LARGE1: variants seen among roughly 807,000 people sequenced by gnomAD.
LARGE1 encodes the protein xylosyl- and glucuronyltransferase LARGE1.
A neutral mutation model predicts 87.6 loss-of-function variants in LARGE1; 43 were observed. That is an observed-to-expected ratio of 0.49 (90% CI 0.38 to 0.63). LARGE1 has a LOEUF of 0.63. Among genes scored for constraint, LARGE1 ranks in the 30% least tolerant of loss-of-function variants. LARGE1 has a pLI of 0.00. For missense variants in LARGE1, 802 were observed against 1,000.2 expected, an observed-to-expected ratio of 0.80 and a Z score of 2.67; for synonymous variants, 434 against 394.6, an observed-to-expected ratio of 1.10 and a Z score of -1.18.
the LARGE1 span, among the ~76,000 whole-genome samples, chr22:33,096,261 C>G: frequency 2.6e-5 from 4 of 151,734 alleles, no homozygotes; most frequent in African/African-American, 9.7e-5. Flanking sequence ...ACTAATAATA[C>G]AAAAATTAGC....
chr22:33,120,946 A>G, the LARGE1 span, among the ~76,000 whole-genome samples: 24 of 152,034 alleles, frequency 1.6e-4, no homozygotes, highest in Admixed American at 4.6e-4. Flanking sequence ...TGGTTTCCAC[A>G]GAGGAATAAA....
intron 5 of LARGE1, among the ~76,000 whole-genome samples, chr22:33,578,125 C>A (rs766500857): frequency 1.3e-5 from 2 of 152,212 alleles, no homozygotes; most frequent in Non-Finnish European, 2.9e-5. Context: ...CCGCCAACAA[C>A]AGGCCTTTAC....
intron 7 of LARGE1, among the ~76,000 whole-genome samples, chr22:33,418,904 G>A (rs758880253): frequency 4.6e-5 from 7 of 152,170 alleles, no homozygotes; most frequent in Non-Finnish European, 1.0e-4. Flanking sequence ...GTGTTAGTAC[G>A]AGTCAGAGAG....
intron 6 of LARGE1, among the ~76,000 whole-genome samples, chr22:33,500,695 A>T (rs936871759): frequency 2.0e-5 from 3 of 152,220 alleles, no homozygotes; most frequent in Non-Finnish European, 4.4e-5. Flanking sequence ...AATGGGGATG[A>T]TGAAAGCACC....
chr22:33,766,931 T>TATATATATATATAC (rs2084923084), intron 1 of LARGE1, among the ~76,000 whole-genome samples: 1 of 15,244 alleles, frequency 6.6e-5, no homozygotes, highest in Non-Finnish European at 1.3e-4. Context: ...TATATATATA[T>TATATATATATATAC]ATATATATAT....
chr22:33,894,112 T>C (rs1569018365), intron 1 of LARGE1, among the ~76,000 whole-genome samples: 1 of 151,922 alleles, frequency 6.6e-6, no homozygotes, highest in Non-Finnish European at 1.5e-5. Flanking sequence ...GGTCACCCTC[T>C]AGATGGGGAG....
At chr22:33,669,347 T>C (rs1253938894) in intron 2 of LARGE1, among the ~76,000 whole-genome samples, 1 of 152,266 alleles carries the variant, frequency 6.6e-6, no homozygotes, top group Non-Finnish European at 1.5e-5. Flanking sequence ...TTACTATTAC[T>C]GTTATTATTG....
intron 9 of LARGE1, among the ~76,000 whole-genome samples, chr22:33,366,038 G>T (rs966105191): frequency 1.3e-5 from 2 of 152,136 alleles, no homozygotes; most frequent in Admixed American, 6.5e-5. Context: ...TCTCCATTCT[G>T]AAGTCTTAAG....
At chr22:33,717,987 T>C (rs531323823) in intron 2 of LARGE1, among the ~76,000 whole-genome samples, 1 of 152,324 alleles carries the variant, frequency 6.6e-6, no homozygotes, top group South Asian at 2.1e-4. Context: ...AAAAGTTCCC[T>C]TTCTAATCTC....
At chr22:33,428,217 C>T (rs1038180222) in intron 7 of LARGE1, among the ~76,000 whole-genome samples, 1 of 152,038 alleles carries the variant, frequency 6.6e-6, no homozygotes, top group East Asian at 1.9e-4. Flanking sequence ...GGAGAAAGAC[C>T]AAGATTTACT....
chr22:33,438,305 G>T (rs1385919605), intron 6 of LARGE1, among the ~76,000 whole-genome samples: 1 of 152,152 alleles, frequency 6.6e-6, no homozygotes, highest in Non-Finnish European at 1.5e-5. Flanking sequence ...ATTCTGCACT[G>T]CCTGTCTCGT....
In LARGE1 at chr22:33,524,306, T is replaced by A. The variant is rs1420850231; in HGVS notation, c.787+40542A>T. On this transcript the variant is annotated intron_variant, in intron 6 of 14. Coordinates refer to ENST00000397394, the MANE Select transcript of LARGE1 (RefSeq NM_133642.5). ...ACTCCCCTCAAAAAAAAAAAAATAA[T>A]AATAATAATAAAATCAAGCCCATTT... is the stretch of plus-strand genomic sequence containing the variant. 4.8e-3 allele frequency among the ~76,000 whole-genome samples: 709 copies of A among 147,530 alleles called. 5 individuals are homozygous for A. The highest frequency in any genetic ancestry group is 0.02 in the East Asian group (100 of 5,042).
At chr22:33,359,241 C>T (rs989954666) in intron 9 of LARGE1, among the ~76,000 whole-genome samples, 2 of 152,070 alleles carry the variant, frequency 1.3e-5, no homozygotes, top group East Asian at 3.9e-4. Flanking sequence ...GAAAATGCTG[C>T]GGACTTGGAA....
chr22:33,161,599 C>T (rs2105877), downstream of LARGE1, among the ~76,000 whole-genome samples: 64,129 of 152,002 alleles, frequency 0.42, 13,960 homozygotes, highest in South Asian at 0.68. Flanking sequence ...TTACAGGCCC[C>T]ATTGCAAGTC....
intron 11 of LARGE1, among the ~76,000 whole-genome samples, chr22:33,245,707 G>A (rs1188036064): frequency 6.6e-6 from 1 of 152,186 alleles, no homozygotes; most frequent in African/African-American, 2.4e-5. Context: ...TCTGGAGTTC[G>A]AGACCAGTCT....
chr22:33,673,524 G>A (rs371389049), intron 2 of LARGE1, among the ~76,000 whole-genome samples: 5 of 152,188 alleles, frequency 3.3e-5, no homozygotes, highest in East Asian at 1.9e-4. Flanking sequence ...ATTATTAATC[G>A]TGGTAAAATA....
At chr22:33,748,271 A>G (rs1367953523) in intron 2 of LARGE1, among the ~76,000 whole-genome samples, 2 of 151,538 alleles carry the variant, frequency 1.3e-5, no homozygotes, top group African/African-American at 2.4e-5. Flanking sequence ...AGCTGGGATT[A>G]CAGGTGCCCG....
chr22:33,285,552 A>C (rs1931365566), intron 12 of LARGE1, among the ~76,000 whole-genome samples: 2 of 152,172 alleles, frequency 1.3e-5, no homozygotes, highest in South Asian at 4.1e-4. Flanking sequence ...TGAACCTGGG[A>C]GGTGGAGGTT....
intron 6 of LARGE1, among the ~76,000 whole-genome samples, chr22:33,497,071 C>CTTTTTTTTTTTTTTTTTTTTTTTT (rs5845088): frequency 7.5e-6 from 1 of 133,960 alleles, no homozygotes. Flanking sequence ...CTTTTCTTTT[C>CTTTTTTTTTTTTTTTTTTTTTTTT]TTTTTTTTTT....
Sources: gnomAD v4.1 joint callset for allele counts (sites outside exome capture counted in the v4.1 genomes callset) on GRCh38, gnomAD v4.1.1 for gene constraint, MANE v1.5 for transcripts, NCBI Gene and HGNC (gene_info 2026-07-23, HGNC 2026-07-21) for gene names.